Variants in ME3 observed in about 807,000 individuals in gnomAD.
The protein encoded by ME3 is malic enzyme 3, also known as NADP-dependent malic enzyme, mitochondrial.
Under a neutral mutation model 68.9 loss-of-function variants are expected in ME3, and 48 were observed. The observed-to-expected ratio is 0.70, with a 90% CI of 0.55 to 0.89. The LOEUF is 0.89. Ranked by LOEUF, ME3 falls within the 40% of genes least tolerant of loss-of-function variation. ME3 has a pLI of 0.00. For synonymous variants in ME3, 320 were observed against 318.8 expected, an observed-to-expected ratio of 1.00 and a Z score of -0.04; for missense variants, 675 against 797.4, an observed-to-expected ratio of 0.85 and a Z score of 1.85.
intron 7 of ME3, among the ~76,000 whole-genome samples, chr11:86,475,361 C>T (rs1308133180): frequency 6.6e-6 from 1 of 152,170 alleles, no homozygotes; most frequent in Non-Finnish European, 1.5e-5. Context: ...TGATTGTAAG[C>T]TTCCTGAGGC....
At chr11:86,535,145 C>T (rs1955565471) in intron 4 of ME3, among the ~76,000 whole-genome samples, 1 of 152,196 alleles carries the variant, frequency 6.6e-6, no homozygotes, top group African/African-American at 2.4e-5. Flanking sequence ...CCTGCTATTA[C>T]TTGAATTCAA....
rs150775152 is a variant in ME3, at chr11:86,627,398, C to T, written c.183+44364G>A. 6.3e-3 allele frequency among the ~76,000 whole-genome samples: 964 copies of T among 152,234 alleles called. 6 individuals are homozygous for T. Among genetic ancestry groups the T allele is most frequent in the African/African-American group, 0.022 (905 of 41,546 alleles). On this transcript the variant is annotated intron_variant, in intron 2 of 14. Coordinates refer to ENST00000543262, the Ensembl canonical transcript of ME3. ...TGCTGGATTTCCGACAAAATTGCAA[C>T]CAAATTTGCTTGCCCTTTATGGTTT...
downstream of ME3, chr11:86,436,801 G>A (rs539548400): frequency 1.3e-5 from 2 of 152,022 alleles, no homozygotes; most frequent in Non-Finnish European, 2.9e-5. Flanking sequence ...TTCCCCCAAT[G>A]AATTACCTTA....
chr11:86,534,330 T>C (rs984180287), intron 4 of ME3, among the ~76,000 whole-genome samples: 1 of 152,180 alleles, frequency 6.6e-6, no homozygotes, highest in African/African-American at 2.4e-5. Flanking sequence ...GTGACTTTTC[T>C]ACTTTATACA....
chr11:86,550,630 T>G (rs1468335249), intron 4 of ME3, among the ~76,000 whole-genome samples: 1 of 152,200 alleles, frequency 6.6e-6, no homozygotes, highest in Admixed American at 6.5e-5. Context: ...AAGGAATCAG[T>G]GCTTTGGTGC....
At chr11:86,607,770 C>T (rs564670759) in intron 2 of ME3, among the ~76,000 whole-genome samples, 1 of 151,692 alleles carries the variant, frequency 6.6e-6, no homozygotes, top group South Asian at 2.1e-4. Context: ...GTTGATCTCG[C>T]AGTGAACTCT....
intron 4 of ME3, among the ~76,000 whole-genome samples, chr11:86,536,349 A>G (rs1220489525): frequency 6.9e-6 from 1 of 145,720 alleles, no homozygotes; most frequent in Non-Finnish European, 1.5e-5. Context: ...TGAACAGGCA[A>G]CCTACAGAAT....
At chr11:86,476,525 T>A (rs1407310670) in intron 7 of ME3, among the ~76,000 whole-genome samples, 3 of 152,178 alleles carry the variant, frequency 2.0e-5, no homozygotes, top group Non-Finnish European at 2.9e-5. Flanking sequence ...CTGTGTCTCA[T>A]GAAAAGATGT....
At chr11:86,435,413 G>C in the ME3 span, 1 of 152,222 alleles carries the variant, frequency 6.6e-6, no homozygotes, top group Non-Finnish European at 1.5e-5. Flanking sequence ...TCCAGAGAGG[G>C]AGGAGTCCTC....
chr11:86,666,288 C>T (rs770724125), intron 2 of ME3, among the ~76,000 whole-genome samples: 1 of 152,138 alleles, frequency 6.6e-6, no homozygotes, highest in Admixed American at 6.5e-5. Context: ...TTGGCTTCTG[C>T]GTGGAATTCA....
At chr11:86,509,437 C>T (rs542130372) in intron 4 of ME3, among the ~76,000 whole-genome samples, 4 of 151,838 alleles carry the variant, frequency 2.6e-5, no homozygotes, top group South Asian at 2.1e-4. Context: ...CACGCATGTG[C>T]GAAGGCAATG....
chr11:86,608,517 T>G (rs1237124828), intron 2 of ME3, among the ~76,000 whole-genome samples: 2 of 152,132 alleles, frequency 1.3e-5, no homozygotes. Flanking sequence ...TAAATGCCGT[T>G]TTGCTCAGTC....
intron 2 of ME3, among the ~76,000 whole-genome samples, chr11:86,630,290 G>A (rs78988491): frequency 0.035 from 5,288 of 152,290 alleles, 127 homozygotes; most frequent in Non-Finnish European, 0.054. Context: ...GGCCCTGACT[G>A]ACAGCGCTTG....
At chr11:86,607,922 C>G (rs1456616336) in intron 2 of ME3, among the ~76,000 whole-genome samples, 1 of 152,076 alleles carries the variant, frequency 6.6e-6, no homozygotes, top group African/African-American at 2.4e-5. Context: ...ATCATTCTTT[C>G]TGGCATGTTG....
At chr11:86,472,859 G>A (rs1303827888) in intron 7 of ME3, among the ~76,000 whole-genome samples, 1 of 152,236 alleles carries the variant, frequency 6.6e-6, no homozygotes, top group South Asian at 2.1e-4. Context: ...AGGATGGAGG[G>A]TGAAGTCCTT....
chr11:86,660,230 G>A (rs919553208), intron 2 of ME3, among the ~76,000 whole-genome samples: 4 of 152,172 alleles, frequency 2.6e-5, no homozygotes, highest in South Asian at 2.1e-4. Context: ...CATGGCCATC[G>A]AAAGTGAGTT....
chr11:86,671,900 C>CGGCCA lies in ME3; in HGVS notation c.40_44dup (p.Cys19GlyfsTer30), dbSNP rs1349606760. Reference sequence around the variant, plus strand: ...GCGGGAGGGCGCCGCAGGCCCGGCCCGGCCAGGGAGCCAGCCGCGTGCCTG... The same window carrying CGGCCA: ...GCGGGAGGGCGCCGCAGGCCCGGCCCGGCCAGGCCAGGGAGCCAGCCGCGTGCCTG... On this transcript the variant is annotated frameshift_variant, in exon 2 of 15. Transcript: ENST00000543262. LOFTEE classifies it high-confidence loss of function. 4 of 1,470,816 alleles carry CGGCCA rather than the reference C, an allele frequency of 2.7e-6. No individual in the cohort carries two copies. Among genetic ancestry groups the CGGCCA allele is most frequent in the Non-Finnish European group, 1.8e-6 (2 of 1,117,696 alleles). 91.1% of individuals were successfully genotyped at this position (1,470,816 alleles called of 1,614,324 possible). A position where few individuals can be genotyped will look rare whatever the true frequency, so the allele number is the denominator to read the frequency against.
At chr11:86,567,237 A>G (rs377331023) in intron 2 of ME3, among the ~76,000 whole-genome samples, 2 of 112,846 alleles carry the variant, frequency 1.8e-5, no homozygotes, top group Admixed American at 1.8e-4. Flanking sequence ...AAGAAAGAAA[A>G]GAAAGAAAGG....
At chr11:86,555,619 C>A (rs548298812) in intron 4 of ME3, among the ~76,000 whole-genome samples, 4 of 152,062 alleles carry the variant, frequency 2.6e-5, no homozygotes, top group African/African-American at 7.2e-5. Context: ...CAGTGGGATC[C>A]GGAAAGAAAC....
Sources: gnomAD v4.1 joint callset for allele counts (sites outside exome capture counted in the v4.1 genomes callset) on GRCh38, gnomAD v4.1.1 for gene constraint, MANE v1.5 for transcripts, NCBI Gene and HGNC (gene_info 2026-07-23, HGNC 2026-07-21) for gene names.